Variants in CFAP61 observed in about 807,000 individuals in gnomAD.
CFAP61 encodes the protein cilia and flagella associated protein 61, also known as cilia- and flagella-associated protein 61.
Under a neutral mutation model 135.6 loss-of-function variants are expected in CFAP61, and 107 were observed. The ratio of observed to expected loss-of-function variants is 0.79; its 90% CI spans 0.67 to 0.93. The LOEUF (loss-of-function observed/expected upper bound fraction) is 0.93, where lower values mean the gene tolerates loss of function less well. Ranked by LOEUF, CFAP61 falls within the 40% of genes least tolerant of loss-of-function variation. The pLI is 0.00. For synonymous variants in CFAP61, 575 were observed against 578.5 expected, an observed-to-expected ratio of 0.99 and a Z score of 0.09; for missense variants, 1,507 against 1,556.2, an observed-to-expected ratio of 0.97 and a Z score of 0.53.
At chr20:20,103,973 A>C (rs2048200765) in intron 8 of CFAP61, among the ~76,000 whole-genome samples, 2 of 152,210 alleles carry the variant, frequency 1.3e-5, no homozygotes, top group South Asian at 4.1e-4. Context: ...GGCAGCATGA[A>C]TCTCTGTTTT....
intron 13 of CFAP61, among the ~76,000 whole-genome samples, chr20:20,186,267 A>G (rs1374210388): frequency 6.6e-6 from 1 of 152,248 alleles, no homozygotes; most frequent in Admixed American, 6.5e-5. Context: ...AAATGGAATT[A>G]CACAACACGT....
At chr20:20,322,097 C>G (rs1335126703) in intron 25 of CFAP61, among the ~76,000 whole-genome samples, 1 of 152,176 alleles carries the variant, frequency 6.6e-6, no homozygotes, top group Admixed American at 6.5e-5. Context: ...GCCAAGCCTT[C>G]AAGTCATCCC....
At chr20:20,272,583 A>G (rs1250548185) in intron 21 of CFAP61, among the ~76,000 whole-genome samples, 1 of 152,196 alleles carries the variant, frequency 6.6e-6, no homozygotes, top group East Asian at 1.9e-4. Flanking sequence ...ACTGGGACAC[A>G]TAACTGTCAG....
At chr20:20,181,985 G>T (rs2055135080) in intron 13 of CFAP61, among the ~76,000 whole-genome samples, 1 of 152,122 alleles carries the variant, frequency 6.6e-6, no homozygotes, top group South Asian at 2.1e-4. Context: ...ATGAAAGTAG[G>T]GCCACGTTTA....
At chr20:20,197,208 C>G (rs1304388102) in intron 16 of CFAP61, among the ~76,000 whole-genome samples, 1 of 152,078 alleles carries the variant, frequency 6.6e-6, no homozygotes, top group African/African-American at 2.4e-5. Context: ...CCCAGCATTC[C>G]AAATAAGCAC....
chr20:20,055,338 G>A (rs1029804541), intron 1 of CFAP61, among the ~76,000 whole-genome samples: 69 of 152,288 alleles, frequency 4.5e-4, no homozygotes, highest in African/African-American at 1.6e-3. Flanking sequence ...GGACTTCTCA[G>A]CAGTATTTTT....
At chr20:20,304,495 C>T (rs2056334435) in intron 25 of CFAP61, among the ~76,000 whole-genome samples, 2 of 151,858 alleles carry the variant, frequency 1.3e-5, no homozygotes, top group Non-Finnish European at 2.9e-5. Context: ...CCACAGGCCT[C>T]GCTCATGCAC....
intron 19 of CFAP61, among the ~76,000 whole-genome samples, chr20:20,251,189 A>G (rs1486092994): frequency 6.6e-6 from 1 of 152,176 alleles, no homozygotes; most frequent in East Asian, 1.9e-4. Context: ...ATCCTCAACA[A>G]TGTCACTTTC....
chr20:20,118,610 G>A (rs542948750), intron 8 of CFAP61, among the ~76,000 whole-genome samples: 1 of 151,810 alleles, frequency 6.6e-6, no homozygotes, highest in African/African-American at 2.4e-5. Flanking sequence ...CAAAGTGCTG[G>A]GATTACAGGT....
At chr20:20,053,929 A>T (rs562993166) in intron 1 of CFAP61, among the ~76,000 whole-genome samples, 1 of 150,824 alleles carries the variant, frequency 6.6e-6, no homozygotes, top group South Asian at 2.1e-4. Context: ...ATGCTAGAAT[A>T]CTTTGCTTCT....
At chr20:20,131,344 A>ATTTG (rs373560724) in intron 8 of CFAP61, among the ~76,000 whole-genome samples, 5 of 151,720 alleles carry the variant, frequency 3.3e-5, no homozygotes, top group Non-Finnish European at 5.9e-5. Flanking sequence ...TTATATACCT[A>ATTTG]TTTGTTATAT....
At chr20:20,343,367 T>C (rs192909444) in intron 26 of CFAP61, among the ~76,000 whole-genome samples, 5 of 152,280 alleles carry the variant, frequency 3.3e-5, no homozygotes, top group African/African-American at 9.6e-5. Context: ...CAGGCTTAGA[T>C]TGGGAAACAG....
At chr20:20,210,321 T>C (rs1054951060) in intron 17 of CFAP61, among the ~76,000 whole-genome samples, 2 of 152,238 alleles carry the variant, frequency 1.3e-5, no homozygotes, top group African/African-American at 2.4e-5. Context: ...GACAGTGGGC[T>C]CGCTGTCCCC....
rs140045830 is a variant in CFAP61 at position 20,288,649 on chromosome 20, C to T, written c.2837C>T (p.Thr946Met). The change falls in exon 23 of 27, where the codon ACG (threonine) becomes ATG (methionine). Residue 946 changes from threonine to methionine, a missense_variant. Transcript: ENST00000245957. ...SFCEKNVDYE[T>M]FKALNDACLV... ...TGTGAGAAGAATGTGGATTATGAAA[C>T]GTTTAAAGCCCTCAATGATGCATGT... The T allele has an allele frequency of 5.5e-5, 88 of 1,613,878 alleles. No homozygotes were observed. Among genetic ancestry groups the T allele is most frequent in the South Asian group, 5.1e-4 (46 of 91,064 alleles).
intron 25 of CFAP61, among the ~76,000 whole-genome samples, chr20:20,324,279 T>A (rs557487750): frequency 6.6e-6 from 1 of 152,074 alleles, no homozygotes. Flanking sequence ...ACTGAACTTT[T>A]CTCCCTCCGC....
intron 24 of CFAP61, among the ~76,000 whole-genome samples, chr20:20,297,536 C>G (rs1358515002): frequency 6.6e-6 from 1 of 152,310 alleles, no homozygotes; most frequent in African/African-American, 2.4e-5. Context: ...ACCCTTGTCA[C>G]TTGGGCTGAT....
intron 10 of CFAP61, among the ~76,000 whole-genome samples, chr20:20,162,550 A>C (rs770848664): frequency 2.0e-5 from 3 of 152,168 alleles, no homozygotes; most frequent in Non-Finnish European, 4.4e-5. Flanking sequence ...TGTTGCTTTT[A>C]GGAAGCTAAA....
intron 25 of CFAP61, among the ~76,000 whole-genome samples, chr20:20,337,302 ATGGATGGATG>A (rs2058239305): frequency 3.1e-5 from 2 of 65,560 alleles, no homozygotes; most frequent in Admixed American, 1.8e-4. Flanking sequence ...AGATGGATGG[ATGGATGGATG>A]GATGGATGGA....
In CFAP61 at chr20:20,196,771, G is replaced by C. The variant is rs1392084905; in HGVS notation, c.1792G>C (p.Gly598Arg). ...YYRVYPKSREGKFQNPYAHSL... is the reference protein window; with the variant it reads ...YYRVYPKSRERKFQNPYAHSL... ...CCGTGTTTACCCAAAATCCAGAGAAGGCAAGGTAAGAGAATGGTGCAATTC... is the reference window on the plus strand; with the variant it reads ...CCGTGTTTACCCAAAATCCAGAGAACGCAAGGTAAGAGAATGGTGCAATTC... Residue 598 changes from glycine to arginine, a missense_variant, in exon 16 of 27, where the codon GGC (glycine) becomes CGC (arginine). By Grantham distance (125) the Gly-to-Arg change is moderately radical (BLOSUM62 -2). Transcript: ENST00000245957. 1 of 1,613,736 alleles carries C rather than the reference G, an allele frequency of 6.2e-7. No homozygotes were observed. The highest frequency in any genetic ancestry group is 1.7e-5 in the Admixed American group (1 of 60,008).
Sources: allele counts gnomAD v4.1 joint callset (sites outside exome capture counted in the v4.1 genomes callset), GRCh38; gene constraint gnomAD v4.1.1; transcripts MANE v1.5; gene names NCBI Gene and HGNC (gene_info 2026-07-23, HGNC 2026-07-21).